Variants in PLEKHH1 observed in about 807,000 individuals in gnomAD.
PLEKHH1 encodes pleckstrin homology, MyTH4 and FERM domain containing H1.
A neutral mutation model predicts 160.0 loss-of-function variants in PLEKHH1; 104 were observed. That is an observed-to-expected ratio of 0.65 (90% confidence interval 0.55 to 0.76). The LOEUF is 0.76. Ranked by LOEUF, PLEKHH1 falls within the 30% of genes least tolerant of loss-of-function variation. PLEKHH1 has a pLI of 0.00. For synonymous variants in PLEKHH1, 619 were observed against 678.4 expected, an observed-to-expected ratio of 0.91 and a Z score of 1.36; for missense variants, 1,427 against 1,724.1, an observed-to-expected ratio of 0.83 and a Z score of 3.05.
rs1476359159 is a variant in PLEKHH1, at chr14:67,576,307, C to G, written c.2353-88C>G. The G allele has an allele frequency of 1.4e-6, 1 of 720,702 alleles. No individual in the cohort carries two copies. The highest frequency in any genetic ancestry group is 2.4e-6 in the Non-Finnish European group (1 of 423,742). The allele number at this position is 720,702 out of a possible 1,614,324, so 44.6% of individuals were successfully genotyped here. A position where few individuals can be genotyped will look rare whatever the true frequency, so the allele number is the denominator to read the frequency against. The stretch of plus-strand genomic sequence containing the variant: ...CCAAACTAGCTGAACCCCACATGGG[C>G]TTGGTCCCTTCAAGGAGTCCTCCTT... On this transcript the variant is annotated intron_variant, in intron 16 of 28. Coordinates refer to ENST00000329153, the MANE Select transcript of PLEKHH1 (RefSeq NM_020715.3). This position sits in a 1 kb window ranked among gnomAD's most constrained non-coding sequence, Gnocchi z 4.0.
chr14:67,576,501 C>T lies in PLEKHH1; in HGVS notation c.2459C>T (p.Pro820Leu). Residue 820 changes from proline (P) to leucine (L), a missense_variant and splice_region_variant, in exon 17 of 29, where the codon CCA (proline) becomes CTA (leucine). Physicochemically the swap from Pro to Leu is moderately conservative, Grantham distance 98. Around this residue, in one of 6 missense-constraint regions of PLEKHH1, gnomAD observed 436 missense variants for 607.5 expected, o/e 0.72. Coordinates refer to ENST00000329153, the MANE Select transcript of PLEKHH1 (RefSeq NM_020715.3). The surrounding 1 kb of genome is among the most constrained non-coding windows in gnomAD (Gnocchi z 4.0). ...IGKLMDGEGD[P>L]DSPLWRHPML... ...AAACTGATGGATGGTGAAGGAGATCCAGGTAAGGCAAGGGTGGCCACCACT... is the reference window on the plus strand; with the variant it reads ...AAACTGATGGATGGTGAAGGAGATCTAGGTAAGGCAAGGGTGGCCACCACT... 1 of 1,535,058 alleles carries T rather than the reference C, an allele frequency of 6.5e-7. No individual in the cohort carries two copies. Among genetic ancestry groups the T allele is most frequent in the Non-Finnish European group, 9.0e-7 (1 of 1,108,312 alleles).
chr14:67,565,925 G>A (rs1286909314), intron 7 of PLEKHH1, among the ~76,000 whole-genome samples: 1 of 152,096 alleles, frequency 6.6e-6, no homozygotes, highest in Non-Finnish European at 1.5e-5. Flanking sequence ...TTCGAGACCA[G>A]CCTGGCCAAC....
At position 67,541,917 on chromosome 14, in the gene PLEKHH1, G is replaced by C. The variant is rs763998194; in HGVS notation, c.50G>C (p.Arg17Pro). The change falls in exon 2 of 29, where the codon CGC becomes CCC. Residue 17 changes from arginine (R) to proline (P), a missense_variant. Arg to Pro is a moderately radical substitution (Grantham distance 103). Around this residue, in one of 6 missense-constraint regions of PLEKHH1, gnomAD observed 831 missense variants for 929.2 expected, o/e 0.89. Transcript: ENST00000329153. ...EAPASVDWQK[R>P]CLTLETQLFR... is the part of the protein sequence containing the mutation. The stretch of plus-strand genomic sequence containing the variant: ...CCGGCCAGCGTAGACTGGCAGAAAC[G>C]CTGCCTGACCCTGGAAACTCAGCTT... 2 of 1,605,278 alleles carry C rather than the reference G, an allele frequency of 1.2e-6. No homozygotes were observed. Among genetic ancestry groups the C allele is most frequent in the Admixed American group, 3.4e-5 (2 of 58,910 alleles).
chr14:67,568,760 C>A (rs920061847), intron 7 of PLEKHH1, among the ~76,000 whole-genome samples: 1 of 152,070 alleles, frequency 6.6e-6, no homozygotes, highest in Non-Finnish European at 1.5e-5. Flanking sequence ...TCTTGAGACC[C>A]AAGGGTCTCT....
intron 2 of PLEKHH1, 26 bp from the exon 3 acceptor site, chr14:67,555,799 T>G: frequency 6.2e-7 from 1 of 1,612,170 alleles, no homozygotes; most frequent in Non-Finnish European, 8.5e-7. Flanking sequence ...GGCACCTACA[T>G]CTCCCCTTTC....
intron 23 of PLEKHH1, 34 bp downstream of exon 23, chr14:67,581,072 C>G: frequency 7.4e-7 from 1 of 1,353,268 alleles, no homozygotes; most frequent in Non-Finnish European, 1.1e-6. Flanking sequence ...GGGCCAAACA[C>G]AAGGGCTGCC....
At chr14:67,564,350 A>G (rs962408536) in intron 7 of PLEKHH1, among the ~76,000 whole-genome samples, 5 of 152,210 alleles carry the variant, frequency 3.3e-5, no homozygotes, top group Admixed American at 2.0e-4. Flanking sequence ...TCTGGTAGAA[A>G]TACTTCAGAA....
chr14:67,582,016 AT>A lies in PLEKHH1; in HGVS notation c.3285-52del. On this transcript the variant is annotated intron_variant, in intron 23 of 28. Coordinates refer to ENST00000329153, the MANE Select transcript of PLEKHH1 (RefSeq NM_020715.3). The surrounding 1 kb of genome is among the most constrained non-coding windows in gnomAD (Gnocchi z 5.0). The stretch of plus-strand genomic sequence containing the variant: ...AGGTAACAGACCCAGAGAAAGCCCC[AT>A]CCCTGTTTGGAATCCCTGCTGAGTC... 6.4e-7 allele frequency: 1 copy of A among 1,560,332 alleles called. No individual in the cohort carries two copies. The highest frequency in any genetic ancestry group is 8.7e-7 in the Non-Finnish European group (1 of 1,147,086).
At chr14:67,569,405 G>A (rs2035264525) in intron 8 of PLEKHH1, among the ~76,000 whole-genome samples, 189 bp downstream of exon 8, 1 of 152,204 alleles carries the variant, frequency 6.6e-6, no homozygotes, top group African/African-American at 2.4e-5. Context: ...AAGTCGTACA[G>A]GTTCAGCCCA....
Position 67,575,921 on chromosome 14 carries a change from GTTGCT to G in PLEKHH1, c.2271_2275del (p.Leu757PhefsTer25), listed in dbSNP as rs1566755923. 6.2e-7 allele frequency: 1 copy of G among 1,613,914 alleles called. No individual in the cohort carries two copies. The highest frequency in any genetic ancestry group is 8.5e-7 in the Non-Finnish European group (1 of 1,179,822). On this transcript the variant is annotated frameshift_variant, in exon 16 of 29. Coordinates refer to ENST00000329153, the MANE Select transcript of PLEKHH1 (RefSeq NM_020715.3). LOFTEE classifies it high-confidence loss of function. Reference sequence around the variant, plus strand: ...ACTATGAGGCTGGAGGAACCAGACGGTTGCTTTCCTCCCACTGCACCCTGGTGATC... The same window carrying G: ...ACTATGAGGCTGGAGGAACCAGACGGTTCCTCCCACTGCACCCTGGTGATC...
chr14:67,561,009 G>A (rs1369673979), intron 5 of PLEKHH1, among the ~76,000 whole-genome samples: 4 of 152,156 alleles, frequency 2.6e-5, no homozygotes, highest in Non-Finnish European at 5.9e-5. Context: ...AGGATTACGG[G>A]TGTGAGCCAC....
In PLEKHH1 at chr14:67,582,983, G is replaced by A. The variant is rs1434512673; in HGVS notation, c.3427-758G>A. On this transcript the variant is annotated intron_variant, in intron 24 of 28. Transcript: ENST00000329153. This position sits in a 1 kb window ranked among gnomAD's most constrained non-coding sequence, Gnocchi z 5.0. Reference sequence around the variant, plus strand: ...GACCTTCTAAGTAGACTTAGGAAGAGGAACACACATTCAGACTTGGACTCT... The same window carrying A: ...GACCTTCTAAGTAGACTTAGGAAGAAGAACACACATTCAGACTTGGACTCT... Among the ~76,000 whole-genome samples, 1 of 152,146 alleles carries A rather than the reference G, an allele frequency of 6.6e-6. No individual in the cohort carries two copies. Among genetic ancestry groups the A allele is most frequent in the Non-Finnish European group, 1.5e-5 (1 of 68,016 alleles).
chr14:67,557,126 A>C, intron 3 of PLEKHH1, 143 bp from the exon 4 acceptor site: 1 of 619,354 alleles, frequency 1.6e-6, no homozygotes, highest in Non-Finnish European at 2.8e-6. Flanking sequence ...TAATTGAATT[A>C]ATTGGCTCAG....
At position 67,579,742 on chromosome 14, in the gene PLEKHH1, T is replaced by C; in HGVS notation, c.3049T>C (p.Ser1017Pro). 6.2e-7 allele frequency: 1 copy of C among 1,612,968 alleles called. No individual in the cohort carries two copies. The highest frequency in any genetic ancestry group is 8.5e-7 in the Non-Finnish European group (1 of 1,179,548). The change falls in exon 22 of 29, where the codon TCC (serine) becomes CCC (proline). Residue 1017 changes from serine (S) to proline (P), a missense_variant. This residue lies in a region of PLEKHH1 where 436 missense variants were observed against 607.5 expected (regional missense o/e 0.72). Transcript: ENST00000329153. Reference sequence around the variant, plus strand: ...TCAGGTGGTTGGTTTTGACGGCTCTTCCACGGTTGATGAGTTCCTCCAGCG... The same window carrying C: ...TCAGGTGGTTGGTTTTGACGGCTCTCCCACGGTTGATGAGTTCCTCCAGCG... The part of the protein sequence containing the change: ...TYHVVGFDGS[S>P]TVDEFLQRLN...
In PLEKHH1 at chr14:67,572,372, G is replaced by A. The variant is rs564910159; in HGVS notation, c.1728+95G>A. ...AAGACATAGGCAGTAGCTGCCTGAA[G>A]TGAGGGGTCCCTAGAGCTGGGGGAT... is the stretch of plus-strand genomic sequence containing the variant. On this transcript the variant is annotated intron_variant, in intron 11 of 28. Transcript: ENST00000329153. 184 of 1,011,032 alleles carry A rather than the reference G, an allele frequency of 1.8e-4. 1 individual carries two copies. The Middle Eastern group carries it at 4.7e-3, about 26-fold the overall frequency. The allele number at this position is 1,011,032 out of a possible 1,614,324, so 62.6% of individuals were successfully genotyped here.
chr14:67,560,014 CTTTTAT>C (rs1164099578), intron 5 of PLEKHH1, among the ~76,000 whole-genome samples: 1 of 152,118 alleles, frequency 6.6e-6, no homozygotes, highest in Non-Finnish European at 1.5e-5. Flanking sequence ...TCCACTTTCT[CTTTTAT>C]TTTTATTTAT....
chr14:67,578,484 G>T lies in PLEKHH1; in HGVS notation c.2752-50G>T. ...CTGTAGCTCAGGGCTATGAGGACAGGTGGTGCTGTAGGCCCAGCACTCACC... is the reference window on the plus strand; with the variant it reads ...CTGTAGCTCAGGGCTATGAGGACAGTTGGTGCTGTAGGCCCAGCACTCACC... On this transcript the variant is annotated intron_variant, in intron 19 of 28. Coordinates refer to ENST00000329153, the MANE Select transcript of PLEKHH1 (RefSeq NM_020715.3). The surrounding 1 kb of genome is among the most constrained non-coding windows in gnomAD (Gnocchi z 5.0). 8.1e-7 allele frequency: 1 copy of T among 1,230,150 alleles called. No individual in the cohort carries two copies. Among genetic ancestry groups the T allele is most frequent in the Non-Finnish European group, 1.2e-6 (1 of 846,196 alleles). 76.2% of individuals were successfully genotyped at this position (1,230,150 alleles called of 1,614,324 possible). A position where few individuals can be genotyped will look rare whatever the true frequency, so the allele number is the denominator to read the frequency against.
chr14:67,581,770 C>A lies in PLEKHH1; in HGVS notation c.3285-299C>A, dbSNP rs1216635268. 8 of 336,558 alleles carry A rather than the reference C, an allele frequency of 2.4e-5. No homozygotes were observed. In the East Asian group the frequency reaches 4.6e-4, roughly 19 times the overall value. The allele number at this position is 336,558 out of a possible 1,614,324, so 20.8% of individuals were successfully genotyped here. A position where few individuals can be genotyped will look rare whatever the true frequency, so the allele number is the denominator to read the frequency against. On this transcript the variant is annotated intron_variant, in intron 23 of 28. Coordinates refer to ENST00000329153, the MANE Select transcript of PLEKHH1 (RefSeq NM_020715.3). ...TTTCCAGTAGTCTCTTGGACTCTTA[C>A]CTCATCCAGTCCCCTAATCTATAAC...
At position 67,572,154 on chromosome 14, in the gene PLEKHH1, G is replaced by A; in HGVS notation, c.1605G>A (p.Leu535=). 6.2e-7 allele frequency: 1 copy of A among 1,607,022 alleles called. No individual in the cohort carries two copies. Among genetic ancestry groups the A allele is most frequent in the South Asian group, 1.1e-5 (1 of 89,328 alleles). The part of the protein sequence containing the change: ...AIKRGVSMSS[L]SSEGDYAIPP... ...GGCAAGGCGTCTCCATGTCCTCACTGAGCTCCGAGGGTGACTACGCCATCC... is the reference window on the plus strand; with the variant it reads ...GGCAAGGCGTCTCCATGTCCTCACTAAGCTCCGAGGGTGACTACGCCATCC... Residue 535 remains leucine, a synonymous_variant, in exon 11 of 29, where the codon CTG becomes CTA. Coordinates refer to ENST00000329153, the MANE Select transcript of PLEKHH1 (RefSeq NM_020715.3).
Sources: allele counts gnomAD v4.1 joint callset (sites outside exome capture counted in the v4.1 genomes callset), GRCh38; gene constraint gnomAD v4.1.1; regional missense constraint gnomAD v4.1.1; non-coding constraint Gnocchi (gnomAD v3.1); transcripts MANE v1.5; gene names NCBI Gene and HGNC (gene_info 2026-07-23, HGNC 2026-07-21).